Variants in BABAM2 observed in about 807,000 individuals in gnomAD.
The protein encoded by BABAM2 is BRISC and BRCA1-A complex member 2.
Under a neutral mutation model 54.7 loss-of-function variants are expected in BABAM2, and 31 were observed. The observed-to-expected ratio is 0.57, with a 90% CI of 0.43 to 0.77. BABAM2 has a LOEUF of 0.77. BABAM2 is among the 30% of genes least tolerant of loss of function. The pLI is 0.00. For missense variants in BABAM2, 364 were observed against 455.8 expected (o/e 0.80, Z 1.83); for synonymous variants, 167 against 162.9 (o/e 1.03, Z -0.19).
intron 2 of BABAM2, among the ~76,000 whole-genome samples, chr2:27,903,218 A>G (rs1017227076): frequency 3.2e-4 from 48 of 151,896 alleles, no homozygotes; most frequent in Non-Finnish European, 6.9e-4. Flanking sequence ...TTGGTCAGTC[A>G]GCCTCACTGT....
chr2:27,928,170 CA>C (rs778442651), intron 2 of BABAM2, among the ~76,000 whole-genome samples: 8 of 152,140 alleles, frequency 5.3e-5, no homozygotes, highest in Non-Finnish European at 1.2e-4. Context: ...TGCGTGCCAC[CA>C]TGCCCAGCTA....
At chr2:27,980,909 A>T (rs1156821214) in intron 3 of BABAM2, among the ~76,000 whole-genome samples, 1 of 152,114 alleles carries the variant, frequency 6.6e-6, no homozygotes, top group Non-Finnish European at 1.5e-5. Flanking sequence ...AATTTTCTTA[A>T]CACAAAGAAA....
intron 7 of BABAM2, among the ~76,000 whole-genome samples, chr2:28,218,965 T>C (rs1680152316): frequency 6.6e-6 from 1 of 152,248 alleles, no homozygotes; most frequent in African/African-American, 2.4e-5. Flanking sequence ...CATTTCATCA[T>C]GTTTCCATCA....
intron 8 of BABAM2, among the ~76,000 whole-genome samples, chr2:28,240,870 C>T (rs1418596739): frequency 6.0e-4 from 65 of 109,114 alleles, no homozygotes; most frequent in East Asian, 1.9e-3. Flanking sequence ...GACTCTGTCT[C>T]AAAAAAAAAA....
chr2:28,178,500 G>A (rs890996535), intron 7 of BABAM2, among the ~76,000 whole-genome samples: 3 of 152,000 alleles, frequency 2.0e-5, no homozygotes, highest in Admixed American at 1.3e-4. Context: ...TACAGCAAAA[G>A]CAGTGCTAAG....
At chr2:28,172,063 G>GTGTTT (rs779663105) in intron 7 of BABAM2, among the ~76,000 whole-genome samples, 3 of 148,770 alleles carry the variant, frequency 2.0e-5, no homozygotes, top group Admixed American at 6.7e-5. Flanking sequence ...TGTGTCTTCT[G>GTGTTT]TGTTTTGTTT....
chr2:28,153,143 G>A (rs544091942), intron 7 of BABAM2, among the ~76,000 whole-genome samples: 66 of 151,664 alleles, frequency 4.4e-4, no homozygotes, highest in African/African-American at 1.4e-3. Flanking sequence ...CATGACTTTA[G>A]CATTTAAGAA....
chr2:28,187,353 G>A (rs1676423062), intron 7 of BABAM2, among the ~76,000 whole-genome samples: 2 of 152,198 alleles, frequency 1.3e-5, no homozygotes, highest in Admixed American at 6.5e-5. Flanking sequence ...GGCTTGCACA[G>A]TGCCTGGCAC....
intron 5 of BABAM2, among the ~76,000 whole-genome samples, chr2:28,031,044 C>A (rs559802586): frequency 2.0e-5 from 3 of 152,058 alleles, no homozygotes; most frequent in African/African-American, 7.2e-5. Flanking sequence ...GATTTGCAAA[C>A]ATTAAAATAA....
chr2:28,161,595 A>G (rs1439902763), intron 7 of BABAM2, among the ~76,000 whole-genome samples: 2 of 152,194 alleles, frequency 1.3e-5, no homozygotes, highest in Non-Finnish European at 2.9e-5. Flanking sequence ...AGCAAGGGTT[A>G]GCCAGAACTG....
chr2:28,065,807 C>T (rs1663472958), intron 6 of BABAM2, among the ~76,000 whole-genome samples: 1 of 151,884 alleles, frequency 6.6e-6, no homozygotes, highest in African/African-American at 2.4e-5. Context: ...TCCTTCAGAG[C>T]CGTTCTTGGA....
intron 3 of BABAM2, among the ~76,000 whole-genome samples, chr2:27,934,144 G>A (rs1028798720): frequency 6.6e-5 from 10 of 152,016 alleles, no homozygotes; most frequent in African/African-American, 9.7e-5. Context: ...TCCCCAAAGC[G>A]TGTGCTTATT....
At chr2:28,315,977 G>A (rs540538779) in intron 11 of BABAM2, among the ~76,000 whole-genome samples, 39 of 152,112 alleles carry the variant, frequency 2.6e-4, no homozygotes, top group African/African-American at 8.7e-4. Flanking sequence ...CTTCTTTGCC[G>A]CCTCCATGTC....
chr2:28,056,092 G>C (rs1002351752), intron 6 of BABAM2, among the ~76,000 whole-genome samples: 4 of 152,110 alleles, frequency 2.6e-5, no homozygotes, highest in Non-Finnish European at 5.9e-5. Context: ...GTTGGGGGTG[G>C]TGGTGAGTGG....
chr2:28,298,351 G>C lies in BABAM2; in HGVS notation c.948G>C (p.Leu316=), dbSNP rs138374824. 5.3e-5 allele frequency: 85 copies of C among 1,613,642 alleles called. No homozygotes were observed. The highest frequency in any genetic ancestry group is 7.1e-5 in the Non-Finnish European group (84 of 1,179,870). Reference sequence around the variant, plus strand: ...CTGTCTTTGCAGTTGACCTGCCTCTGTTTTTCCCTCGAGACCAGCCAACTC... The same window carrying C: ...CTGTCTTTGCAGTTGACCTGCCTCTCTTTTTCCCTCGAGACCAGCCAACTC... ...FCFLVHIDLP[L]FFPRDQPTLT... The change falls in exon 11 of 12, where the codon CTG becomes CTC. Residue 316 remains leucine, a synonymous_variant. Coordinates refer to ENST00000379624, the MANE Select transcript of BABAM2 (RefSeq NM_199191.3).
At chr2:27,923,896 C>T (rs1414002654) in intron 2 of BABAM2, among the ~76,000 whole-genome samples, 4 of 152,040 alleles carry the variant, frequency 2.6e-5, no homozygotes, top group South Asian at 2.1e-4. Flanking sequence ...CGCCTGAGCT[C>T]GGGAGTTTGA....
At chr2:28,021,722 C>A (rs375259939) in intron 4 of BABAM2, among the ~76,000 whole-genome samples, 3 of 151,920 alleles carry the variant, frequency 2.0e-5, no homozygotes, top group African/African-American at 7.3e-5. Context: ...TGTACCTTAT[C>A]CTTTTATTAG....
At chr2:28,182,300 A>G (rs1675729022) in intron 7 of BABAM2, among the ~76,000 whole-genome samples, 2 of 152,204 alleles carry the variant, frequency 1.3e-5, no homozygotes, top group Non-Finnish European at 2.9e-5. Flanking sequence ...TTCTTCTGCA[A>G]GAAGATATTA....
At chr2:28,244,020 C>T (rs1390590351) in intron 9 of BABAM2, among the ~76,000 whole-genome samples, 1 of 152,134 alleles carries the variant, frequency 6.6e-6, no homozygotes, top group Admixed American at 6.5e-5. Flanking sequence ...ATCCTCCAGG[C>T]GCTCAGCTCT....
Sources: allele counts gnomAD v4.1 joint callset (sites outside exome capture counted in the v4.1 genomes callset), GRCh38; gene constraint gnomAD v4.1.1; transcripts MANE v1.5; gene names NCBI Gene and HGNC (gene_info 2026-07-23, HGNC 2026-07-21).